Variants in CBR4 observed in about 807,000 individuals in gnomAD.
CBR4 encodes 3-oxoacyl-[acyl-carrier-protein] reductase.
Under a neutral mutation model 21.0 loss-of-function variants are expected in CBR4, and 22 were observed. That is an observed-to-expected ratio of 1.05 (90% CI 0.75 to 1.50). The LOEUF is 1.50. Among genes scored for constraint, CBR4 ranks in the 40% most tolerant of loss-of-function variants. The pLI, the probability that CBR4 is intolerant of heterozygous loss-of-function variation, is 0.00. For synonymous variants in CBR4, 100 were observed against 104.4 expected (o/e 0.96, Z 0.26); for missense variants, 302 against 286.3 (o/e 1.05, Z -0.40).
At chr4:168,943,059 G>C (rs2126682558) in intron 2 of CBR4, among the ~76,000 whole-genome samples, 1 of 152,292 alleles carries the variant, frequency 6.6e-6, no homozygotes, top group East Asian at 1.9e-4. Context: ...ACAGTATGGA[G>C]ATTCCTCAAA....
intron 2 of CBR4, among the ~76,000 whole-genome samples, chr4:168,911,823 A>C (rs1014464053): frequency 6.6e-6 from 1 of 152,214 alleles, no homozygotes; most frequent in African/African-American, 2.4e-5. Context: ...GGAAATTTTC[A>C]GGAAACACAG....
At chr4:168,950,017 T>G (rs564221820) in intron 2 of CBR4, among the ~76,000 whole-genome samples, 65 of 152,340 alleles carry the variant, frequency 4.3e-4, no homozygotes, top group African/African-American at 1.3e-3. Flanking sequence ...TTTTCTTGGT[T>G]AATCTTCCTA....
At chr4:168,904,489 TG>T (rs1553973607) in intron 2 of CBR4, among the ~76,000 whole-genome samples, 2 of 152,224 alleles carry the variant, frequency 1.3e-5, no homozygotes, top group Non-Finnish European at 2.9e-5. Context: ...AATAGGAGGC[TG>T]CTGGGTATCA....
chr4:168,949,128 T>C (rs916453171), intron 2 of CBR4, among the ~76,000 whole-genome samples: 3 of 152,180 alleles, frequency 2.0e-5, no homozygotes, highest in African/African-American at 7.2e-5. Context: ...TTTGCAGCTA[T>C]TGTAGAAGGG....
At chr4:169,003,021 A>G (rs899439727) in intron 3 of CBR4, among the ~76,000 whole-genome samples, 1 of 152,202 alleles carries the variant, frequency 6.6e-6, no homozygotes, top group Non-Finnish European at 1.5e-5. Context: ...AAGAGCTCTG[A>G]TGGATATGTA....
At chr4:168,962,061 T>G (rs1763879514) in intron 2 of CBR4, among the ~76,000 whole-genome samples, 1 of 151,656 alleles carries the variant, frequency 6.6e-6, no homozygotes, top group Admixed American at 6.6e-5. Context: ...GTTAAACGTT[T>G]TTAAAAAGAA....
At chr4:168,956,656 T>G (rs1272761255) in intron 2 of CBR4, among the ~76,000 whole-genome samples, 4 of 147,916 alleles carry the variant, frequency 2.7e-5, no homozygotes, top group African/African-American at 7.4e-5. Context: ...TACTAAGTAC[T>G]TACTATATGC....
intron 2 of CBR4, among the ~76,000 whole-genome samples, chr4:168,957,050 C>A (rs1763708953): frequency 6.6e-6 from 1 of 152,016 alleles, no homozygotes; most frequent in South Asian, 2.1e-4. Context: ...TCAAATATGC[C>A]CACAGATACT....
chr4:168,914,305 T>C (rs1241829968), intron 2 of CBR4, among the ~76,000 whole-genome samples: 1 of 152,240 alleles, frequency 6.6e-6, no homozygotes, highest in Non-Finnish European at 1.5e-5. Context: ...TCAGCACTTT[T>C]AAATGGCATA....
chr4:169,005,510 T>C (rs925258043), intron 3 of CBR4, among the ~76,000 whole-genome samples: 19 of 152,232 alleles, frequency 1.2e-4, no homozygotes, highest in African/African-American at 3.9e-4. Context: ...TATTTACTTT[T>C]AGCTCAATTC....
intron 2 of CBR4, among the ~76,000 whole-genome samples, chr4:168,897,029 C>T (rs1293491027): frequency 6.6e-6 from 1 of 152,120 alleles, no homozygotes; most frequent in Non-Finnish European, 1.5e-5. Flanking sequence ...TGGGGTTTCA[C>T]CATGTTGGTC....
intron 2 of CBR4, among the ~76,000 whole-genome samples, chr4:168,969,556 A>G (rs1764142540): frequency 6.6e-6 from 1 of 152,214 alleles, no homozygotes; most frequent in South Asian, 2.1e-4. Context: ...AGAAGGATAG[A>G]GTTCAACAGA....
intron 4 of CBR4, among the ~76,000 whole-genome samples, chr4:168,998,698 C>G (rs1765322812): frequency 6.6e-6 from 1 of 152,092 alleles, no homozygotes; most frequent in African/African-American, 2.4e-5. Context: ...AATTGTATTT[C>G]CACAAAGCTG....
chr4:168,988,171 G>C lies in CBR4; in HGVS notation c.*1979C>G, dbSNP rs1040428232. On this transcript the variant is annotated 3_prime_UTR_variant, in exon 5 of 5. Coordinates refer to ENST00000306193, the MANE Select transcript of CBR4 (RefSeq NM_032783.5). ...AAGTATTAAATTACAAATTCTACTA[G>C]GTCAGTGGGAGTGGGCGGATTCACC... 3.0e-6 allele frequency: 3 copies of C among 985,264 alleles called. No individual in the cohort carries two copies. Among genetic ancestry groups the C allele is most frequent in the Admixed American group, 6.1e-5 (1 of 16,278 alleles). 61.0% of individuals were successfully genotyped at this position (985,264 alleles called of 1,614,324 possible).
intron 2 of CBR4, among the ~76,000 whole-genome samples, chr4:168,961,322 T>C (rs1050957964): frequency 2.6e-5 from 4 of 152,184 alleles, no homozygotes; most frequent in Non-Finnish European, 5.9e-5. Context: ...CATATATATA[T>C]CTAAATTTAT....
downstream of CBR4, among the ~76,000 whole-genome samples, chr4:168,984,501 A>C (rs1249089439): frequency 3.2e-5 from 4 of 125,234 alleles, no homozygotes; most frequent in Non-Finnish European, 7.3e-5. Flanking sequence ...TTACAGATTC[A>C]ATGCTATTCC....
At chr4:168,970,714 A>G (rs2126755198) in intron 2 of CBR4, among the ~76,000 whole-genome samples, 2 of 152,020 alleles carry the variant, frequency 1.3e-5, no homozygotes, top group Admixed American at 6.6e-5. Flanking sequence ...AAGTGAGAAC[A>G]TATGATGTTT....
chr4:168,950,955 G>C (rs180901440), intron 2 of CBR4, among the ~76,000 whole-genome samples: 1 of 152,050 alleles, frequency 6.6e-6, no homozygotes, highest in East Asian at 1.9e-4. Flanking sequence ...TTTTTCCCCC[G>C]CTTTACTTTA....
At chr4:168,894,543 T>C (rs1438671138) in intron 3 of CBR4, 1 of 1,382,644 alleles carries the variant, frequency 7.2e-7, no homozygotes, top group South Asian at 1.2e-5. Context: ...GTGATTTTTT[T>C]CTAATTTTGT....
Sources: gnomAD v4.1 joint callset for allele counts (sites outside exome capture counted in the v4.1 genomes callset) on GRCh38, gnomAD v4.1.1 for gene constraint, MANE v1.5 for transcripts, NCBI Gene and HGNC (gene_info 2026-07-23, HGNC 2026-07-21) for gene names.